Variants in CMIP observed in about 807,000 individuals in gnomAD.
CMIP encodes the protein c-Maf inducing protein.
CMIP carries 13 observed loss-of-function variants against 97.3 expected under a neutral mutation model. The observed-to-expected ratio is 0.13, with a 90% CI of 0.09 to 0.21. CMIP has a LOEUF of 0.21. CMIP is among the 10% of genes least tolerant of loss of function. CMIP has a pLI of 1.00. For missense variants in CMIP, 847 were observed against 1,024.9 expected, an observed-to-expected ratio of 0.83 and a Z score of 2.37; for synonymous variants, 538 against 436.3, an observed-to-expected ratio of 1.23 and a Z score of -2.91.
intron 1 of CMIP, among the ~76,000 whole-genome samples, chr16:81,531,178 T>G (rs2090227684): frequency 6.6e-6 from 1 of 151,994 alleles, no homozygotes; most frequent in Non-Finnish European, 1.5e-5. Context: ...ACTGTGTCCG[T>G]AAAAGATGAG....
At position 81,678,634 on chromosome 16, in the gene CMIP, T is replaced by TG. The variant is rs1176422296; in HGVS notation, c.1388+7dup. ...GTGGAAATCCTCAAGCTGCTGTGAG[T>TG]GCCCCCCCCGCGTGCCCGCCCCCGG... is the stretch of plus-strand genomic sequence containing the variant. On this transcript the variant is annotated splice_region_variant and intron_variant, in intron 10 of 20. Transcript: ENST00000537098. 2.2e-6 allele frequency: 3 copies of TG among 1,384,518 alleles called. No homozygotes were observed. The African/African-American group carries it at 4.6e-5, about 21-fold the overall frequency. 85.8% of individuals were successfully genotyped at this position (1,384,518 alleles called of 1,614,324 possible).
chr16:81,646,935 T>G (rs183487005), intron 3 of CMIP, among the ~76,000 whole-genome samples: 1 of 152,358 alleles, frequency 6.6e-6, no homozygotes, highest in African/African-American at 2.4e-5. Flanking sequence ...GGGCATGTCT[T>G]TGGAGTTTGT....
At chr16:81,626,764 G>A (rs1318988938) in intron 3 of CMIP, among the ~76,000 whole-genome samples, 1 of 137,840 alleles carries the variant, frequency 7.3e-6, no homozygotes, top group African/African-American at 2.7e-5. Context: ...TGTGTGTGGT[G>A]TGTGGAGTGA....
At chr16:81,496,909 C>A (rs986438206) in intron 1 of CMIP, among the ~76,000 whole-genome samples, 16 of 152,266 alleles carry the variant, frequency 1.1e-4, no homozygotes, top group Non-Finnish European at 2.4e-4. Context: ...GCCCGGGACA[C>A]CCACCCACAG....
chr16:81,607,510 C>T (rs573542774), intron 1 of CMIP, 57 bp from the exon 2 acceptor site: 107 of 1,594,420 alleles, frequency 6.7e-5, no homozygotes, highest in Non-Finnish European at 6.8e-5. Context: ...GAGATGCGGA[C>T]GTCATGCCTG....
chr16:81,636,648 T>A (rs1000875418), intron 3 of CMIP, among the ~76,000 whole-genome samples: 2 of 151,398 alleles, frequency 1.3e-5, no homozygotes, highest in Non-Finnish European at 2.9e-5. Context: ...AGATACAATA[T>A]CACCGTCATG....
intron 19 of CMIP, 120 bp from the exon 20 acceptor site, chr16:81,706,894 C>T (rs1908210592): frequency 1.2e-6 from 1 of 800,340 alleles, no homozygotes; most frequent in Non-Finnish European, 2.1e-6. Context: ...CCTCCCTCCC[C>T]AGCCCCATCT....
In CMIP at chr16:81,678,587, C is replaced by G. The variant is rs1263755011; in HGVS notation, c.1347C>G (p.Ala449=). ...STMSIELGPQ[A]DRTLGCYVEI... ...TGAGCATCGAGCTGGGCCCCCAGGC[C>G]GACCGCACGCTCGGCTGCTACGTGG... Residue 449 remains alanine, a synonymous_variant, in exon 10 of 21, where the codon GCC becomes GCG. Transcript: ENST00000537098. 1 of 1,602,380 alleles carries G rather than the reference C, an allele frequency of 6.2e-7. No homozygotes were observed. The highest frequency in any genetic ancestry group is 8.5e-7 in the Non-Finnish European group (1 of 1,173,998).
chr16:81,455,283 C>T (rs562755198), intron 1 of CMIP, among the ~76,000 whole-genome samples: 2 of 152,290 alleles, frequency 1.3e-5, no homozygotes, highest in African/African-American at 4.8e-5. Context: ...TTCCTCTTGC[C>T]AGGGGCTATG....
intron 1 of CMIP, among the ~76,000 whole-genome samples, chr16:81,527,145 C>T (rs1245925675): frequency 6.6e-6 from 1 of 152,178 alleles, no homozygotes; most frequent in African/African-American, 2.4e-5. Flanking sequence ...AGCTCTCCAG[C>T]TCGTTGGCTC....
chr16:81,709,821 A>G lies in CMIP; in HGVS notation c.*22A>G. On this transcript the variant is annotated 3_prime_UTR_variant, in exon 21 of 21. Transcript: ENST00000537098. ...GTGAAGCTCCCAGCTCAAGGCAGGA[A>G]GACGTTTGCAACCGCGACAAAATAA... 1.2e-6 allele frequency: 2 copies of G among 1,613,446 alleles called. No individual in the cohort carries two copies. The highest frequency in any genetic ancestry group is 1.7e-6 in the Non-Finnish European group (2 of 1,179,634).
In CMIP at chr16:81,703,945, G is replaced by T; in HGVS notation, c.1951G>T (p.Asp651Tyr). ...CTCCCCCGTCTGCCCGCAGGACGCT[G>T]ACTTGGCTCGTTTGCTGAGCTCCGG... Reference protein sequence around the residue: ...LTLPSKSTDADLARLLSSGSF... With the variant: ...LTLPSKSTDAYLARLLSSGSF... The change falls in exon 18 of 21, where the codon GAC becomes TAC. Residue 651 changes from aspartate to tyrosine, a missense_variant. By Grantham distance (160) the Asp-to-Tyr change is radical. Around this residue, in one of 4 missense-constraint regions of CMIP, gnomAD observed 266 missense variants for 384.2 expected, o/e 0.69. Coordinates refer to ENST00000537098, the MANE Select transcript of CMIP (RefSeq NM_198390.3). 6.3e-7 allele frequency: 1 copy of T among 1,594,784 alleles called. No homozygotes were observed. Among genetic ancestry groups the T allele is most frequent in the South Asian group, 1.1e-5 (1 of 88,440 alleles).
intron 1 of CMIP, among the ~76,000 whole-genome samples, chr16:81,499,980 G>T (rs1291579044): frequency 6.6e-6 from 1 of 152,200 alleles, no homozygotes; most frequent in African/African-American, 2.4e-5. Context: ...TGCTTTGCTT[G>T]GGCTGCTGAC....
intron 3 of CMIP, 54 bp downstream of exon 3, chr16:81,620,980 C>T (rs2091984731): frequency 1.9e-6 from 3 of 1,602,500 alleles, no homozygotes; most frequent in Non-Finnish European, 2.6e-6. Flanking sequence ...GGTGCGATGG[C>T]TTAAAGCCAA....
chr16:81,476,283 A>G lies in CMIP; in HGVS notation c.300+30742A>G, dbSNP rs572705248. 7 of 1,554,440 alleles carry G rather than the reference A, an allele frequency of 4.5e-6. No individual in the cohort carries two copies. The South Asian group carries it at 6.7e-5, about 15-fold the overall frequency. ...AGTTCTCATCTTCAAATTTCTCCCC[A>G]TAGATGGACTTGCCACCAGTGCCAT... On this transcript the variant is annotated intron_variant, in intron 1 of 20. Coordinates refer to ENST00000537098, the MANE Select transcript of CMIP (RefSeq NM_198390.3).
chr16:81,540,020 C>T, intron 1 of CMIP, among the ~76,000 whole-genome samples: 1 of 152,240 alleles, frequency 6.6e-6, no homozygotes, highest in African/African-American at 2.4e-5. Context: ...CAAACGATGG[C>T]AGTGAACGAA....
intron 10 of CMIP, among the ~76,000 whole-genome samples, chr16:81,679,253 ATGTGTGTGTG>A (rs71391549): frequency 4.1e-5 from 6 of 148,090 alleles, no homozygotes; most frequent in African/African-American, 9.9e-5. Context: ...CTCTGTAGGG[ATGTGTGTGTG>A]TGTGTGTGTG....
At chr16:81,510,784 A>G (rs1297511274) in intron 1 of CMIP, among the ~76,000 whole-genome samples, 2 of 152,066 alleles carry the variant, frequency 1.3e-5, no homozygotes, top group East Asian at 3.9e-4. Flanking sequence ...CAGTGGTGAG[A>G]TCTCAGCTCA....
intron 1 of CMIP, among the ~76,000 whole-genome samples, chr16:81,473,229 C>T (rs970784497): frequency 2.0e-5 from 3 of 152,204 alleles, no homozygotes; most frequent in Admixed American, 1.3e-4. Context: ...GAACAGGCTG[C>T]GGCTGTCACT....
Sources: allele counts gnomAD v4.1 joint callset (sites outside exome capture counted in the v4.1 genomes callset), GRCh38; gene constraint gnomAD v4.1.1; regional missense constraint gnomAD v4.1.1; transcripts MANE v1.5; gene names NCBI Gene and HGNC (gene_info 2026-07-23, HGNC 2026-07-21).